DNAAF19: variants seen among roughly 807,000 people sequenced by gnomAD.
The protein encoded by DNAAF19 is coiled-coil domain containing 103.
chr17:44,903,600 C>A, the DNAAF19 span: 1 of 1,401,878 alleles, frequency 7.1e-7, no homozygotes, highest in Non-Finnish European at 9.2e-7. Flanking sequence ...AATGGCTTTC[C>A]CCCCCCACCC....
the DNAAF19 span, chr17:44,904,217 G>A: frequency 6.4e-7 from 1 of 1,550,564 alleles, no homozygotes; most frequent in Non-Finnish European, 8.7e-7. Context: ...CACCCGCAAG[G>A]GGGACTACTT....
chr17:44,904,489 A>G, the DNAAF19 span: 3 of 1,548,392 alleles, frequency 1.9e-6, no homozygotes, highest in Non-Finnish European at 2.6e-6. Context: ...GGGCTGTGCC[A>G]AGGAAGCTGC....
chr17:44,902,226 C>G, the DNAAF19 span: 1 of 1,205,142 alleles, frequency 8.3e-7, no homozygotes, highest in South Asian at 1.2e-5. Context: ...ATGAGGCCGC[C>G]AAGGACCACA....
chr17:44,904,430 T>TC, the DNAAF19 span: 2 of 1,540,948 alleles, frequency 1.3e-6, no homozygotes. Context: ...CCCAGACCTC[T>TC]CCCCACGCTA....
At chr17:44,902,387 A>T in the DNAAF19 span, 1 of 1,614,184 alleles carries the variant, frequency 6.2e-7, no homozygotes, top group African/African-American at 1.3e-5. Context: ...CTCCAGCCCG[A>T]GACGTCTGCT....
At chr17:44,902,334 C>G in the DNAAF19 span, 1 of 1,614,064 alleles carries the variant, frequency 6.2e-7, no homozygotes, top group Non-Finnish European at 8.5e-7. Context: ...TGGAAGAGCT[C>G]CTGACTCCCT....
the DNAAF19 span, chr17:44,904,554 C>T: frequency 1.3e-6 from 2 of 1,550,560 alleles, no homozygotes; most frequent in South Asian, 1.2e-5. Context: ...TGCTTAGTAC[C>T]CTGTGAGAAG....
the DNAAF19 span, chr17:44,902,834 C>A: frequency 6.6e-7 from 1 of 1,520,992 alleles, no homozygotes; most frequent in Non-Finnish European, 8.8e-7. Context: ...AAGCTACCCT[C>A]AGAGGTCCCA....
At chr17:44,905,069 T>G in the DNAAF19 span, 35 of 1,534,952 alleles carry the variant, frequency 2.3e-5, no homozygotes, top group Non-Finnish European at 2.6e-5. Context: ...CTTCTCCCCC[T>G]AGGAGCTCTC....
the DNAAF19 span, chr17:44,902,948 A>G: frequency 7.0e-7 from 1 of 1,433,284 alleles, no homozygotes; most frequent in Non-Finnish European, 9.1e-7. Context: ...TTTTCAGAGC[A>G]AAAACAGGAA....
the DNAAF19 span, chr17:44,903,476 G>A: frequency 7.9e-7 from 1 of 1,270,896 alleles, no homozygotes; most frequent in Non-Finnish European, 9.9e-7. Context: ...GAGCACTGAG[G>A]CAGAGATCTC....
the DNAAF19 span, chr17:44,904,790 A>AGG: frequency 6.4e-7 from 1 of 1,550,544 alleles, no homozygotes; most frequent in Non-Finnish European, 8.7e-7. Context: ...CAGGTCCATG[A>AGG]GGGTGTTCAT....
chr17:44,904,127 C>T, the DNAAF19 span: 2 of 1,550,544 alleles, frequency 1.3e-6, no homozygotes, highest in Non-Finnish European at 1.7e-6. Context: ...CAGCGACATG[C>T]TGACCCGCTT....
chr17:44,903,683 C>T, the DNAAF19 span: 2 of 1,436,196 alleles, frequency 1.4e-6, no homozygotes, highest in Non-Finnish European at 1.8e-6. Context: ...CACTTGGCGG[C>T]TTCCTCTGCA....
At chr17:44,904,643 G>T in the DNAAF19 span, 1 of 1,550,536 alleles carries the variant, frequency 6.4e-7, no homozygotes, top group South Asian at 1.2e-5. Flanking sequence ...GGTGCCCCAG[G>T]TGCCCATTCA....
chr17:44,903,730 C>G, the DNAAF19 span: 1 of 1,448,300 alleles, frequency 6.9e-7, no homozygotes, highest in African/African-American at 1.4e-5. Flanking sequence ...TAATCCTTTC[C>G]TCATCTAGAG....
the DNAAF19 span, chr17:44,902,457 A>G: frequency 5.0e-6 from 8 of 1,614,244 alleles, no homozygotes; most frequent in Non-Finnish European, 6.8e-6. Flanking sequence ...ACCAGGCTCT[A>G]CTGCAGCTTG....
At chr17:44,902,694 C>A in the DNAAF19 span, 4 of 1,614,084 alleles carry the variant, frequency 2.5e-6, no homozygotes, top group Non-Finnish European at 3.4e-6. Flanking sequence ...AAGCCATGGG[C>A]AACCCCAGAT....
chr17:44,901,481 C>T, the DNAAF19 span: 1 of 1,612,110 alleles, frequency 6.2e-7, no homozygotes, highest in South Asian at 1.1e-5. Flanking sequence ...ACAGACACAG[C>T]ATTAAGTCCA....
Sources: allele counts gnomAD v4.1 joint callset, GRCh38; gene constraint gnomAD v4.1.1; transcripts MANE v1.5; gene names NCBI Gene and HGNC (gene_info 2026-07-23, HGNC 2026-07-21).